SAMMSON: variants seen among roughly 807,000 people sequenced by gnomAD.
SAMMSON encodes the protein survival associated mitochondrial melanoma specific oncogenic non-coding RNA.
At chr3:70,196,248 C>T (rs1701178453) in intron 4 of SAMMSON, among the ~76,000 whole-genome samples, 1 of 152,124 alleles carries the variant, frequency 6.6e-6, no homozygotes, top group South Asian at 2.1e-4. Context: ...ATGACATAGT[C>T]ATAGACATAC....
chr3:70,196,606 T>C (rs187320202), intron 4 of SAMMSON, among the ~76,000 whole-genome samples: 12 of 152,280 alleles, frequency 7.9e-5, no homozygotes, highest in Middle Eastern at 3.4e-3. Flanking sequence ...AGCTGATGAG[T>C]GCAATAACGC....
chr3:70,310,648 G>A (rs1277205298), intron 7 of SAMMSON, among the ~76,000 whole-genome samples: 2 of 152,124 alleles, frequency 1.3e-5, no homozygotes, highest in African/African-American at 2.4e-5. Flanking sequence ...TTATAGATGT[G>A]AGCCACTGCA....
chr3:70,253,628 C>T (rs944747092), intron 6 of SAMMSON, among the ~76,000 whole-genome samples: 1 of 152,078 alleles, frequency 6.6e-6, no homozygotes, highest in Non-Finnish European at 1.5e-5. Flanking sequence ...GAGGCTAAGG[C>T]AGGAGGATGG....
intron 4 of SAMMSON, among the ~76,000 whole-genome samples, chr3:70,195,568 A>C (rs531097512): frequency 6.6e-6 from 1 of 152,342 alleles, no homozygotes; most frequent in Admixed American, 6.5e-5. Context: ...TACCTAAGTC[A>C]GGAAAAAACA....
intron 6 of SAMMSON, among the ~76,000 whole-genome samples, chr3:70,255,205 CTT>C (rs1559546105): frequency 6.6e-6 from 1 of 152,068 alleles, no homozygotes; most frequent in African/African-American, 2.4e-5. Context: ...AAAGTAAAAA[CTT>C]AAAATATTAG....
chr3:70,378,978 CTTTT>C (rs1389100652), intron 9 of SAMMSON, among the ~76,000 whole-genome samples: 14 of 142,988 alleles, frequency 9.8e-5, no homozygotes, highest in African/African-American at 2.6e-4. Flanking sequence ...TATACTTACA[CTTTT>C]ATTTATTTAT....
chr3:70,121,120 A>G (rs150443080), intron 4 of SAMMSON, among the ~76,000 whole-genome samples: 111 of 152,316 alleles, frequency 7.3e-4, no homozygotes, highest in African/African-American at 2.4e-3. Flanking sequence ...GCAGTTCACA[A>G]TAGGGTTCGC....
In SAMMSON at chr3:70,283,827, A is replaced by G. The variant is rs146601635; in HGVS notation, n.675-7352A>G. 2.0e-5 allele frequency: 3 copies of G among 152,170 alleles called. No individual in the cohort carries two copies. The East Asian group carries it at 5.8e-4, about 29-fold the overall frequency. 9.4% of individuals were successfully genotyped at this position (152,170 alleles called of 1,614,324 possible). Reference sequence around the variant, plus strand: ...AAAAAGGCAAATATGGCCAAATGTTAACATCTGTTAAATCTGGATGGTGAG... The same window carrying G: ...AAAAAGGCAAATATGGCCAAATGTTGACATCTGTTAAATCTGGATGGTGAG... On this transcript the variant is annotated intron_variant and non_coding_transcript_variant, in intron 6 of 9. Coordinates refer to ENST00000642114, the Ensembl canonical transcript of SAMMSON.
At chr3:70,210,503 C>T (rs1009006196) in intron 4 of SAMMSON, among the ~76,000 whole-genome samples, 3 of 152,046 alleles carry the variant, frequency 2.0e-5, no homozygotes, top group African/African-American at 7.2e-5. Context: ...ATAGATGATG[C>T]TAACAATAAT....
At chr3:70,025,900 A>G (rs2067035480) in intron 3 of SAMMSON, among the ~76,000 whole-genome samples, 1 of 152,170 alleles carries the variant, frequency 6.6e-6, no homozygotes, top group South Asian at 2.1e-4. Flanking sequence ...GTGAATCATC[A>G]TATGGTCTTC....
intron 7 of SAMMSON, among the ~76,000 whole-genome samples, chr3:70,342,104 T>C (rs561225072): frequency 2.6e-5 from 4 of 152,328 alleles, no homozygotes; most frequent in Non-Finnish European, 4.4e-5. Flanking sequence ...AGTCTGAATA[T>C]AGCTTTTAAT....
intron 4 of SAMMSON, among the ~76,000 whole-genome samples, chr3:70,136,907 AT>A (rs2067508204): frequency 6.6e-6 from 1 of 152,226 alleles, no homozygotes; most frequent in Admixed American, 6.5e-5. Flanking sequence ...TTCAAAGGAA[AT>A]AAACAATAAT....
At chr3:70,181,732 C>T (rs906059016) in intron 4 of SAMMSON, among the ~76,000 whole-genome samples, 7 of 152,210 alleles carry the variant, frequency 4.6e-5, no homozygotes, top group Non-Finnish European at 5.9e-5. Context: ...AATTGACTTT[C>T]TCATGATCTG....
chr3:70,399,972 T>C (rs1377677875), intron 2 of SAMMSON, among the ~76,000 whole-genome samples: 1 of 148,740 alleles, frequency 6.7e-6, no homozygotes, highest in Non-Finnish European at 1.5e-5. Context: ...AGCTCTAATA[T>C]GGGGTAGATT....
intron 6 of SAMMSON, among the ~76,000 whole-genome samples, chr3:70,266,049 A>G (rs545471652): frequency 5.6e-4 from 85 of 152,314 alleles, no homozygotes; most frequent in Non-Finnish European, 6.0e-4. Context: ...GCTTATTCAG[A>G]AAAGAGAATG....
chr3:70,329,456 C>G (rs572508448), intron 7 of SAMMSON, among the ~76,000 whole-genome samples: 2 of 152,094 alleles, frequency 1.3e-5, no homozygotes, highest in African/African-American at 4.8e-5. Context: ...CAATTAGTAG[C>G]AACTCAATCA....
chr3:70,309,580 T>C (rs766517224), intron 7 of SAMMSON, among the ~76,000 whole-genome samples: 6 of 152,162 alleles, frequency 3.9e-5, no homozygotes, highest in Non-Finnish European at 8.8e-5. Flanking sequence ...TGAGCTGAGA[T>C]TTAGAAACCA....
chr3:70,163,371 A>G (rs1034850599), intron 4 of SAMMSON, among the ~76,000 whole-genome samples: 11 of 150,116 alleles, frequency 7.3e-5, no homozygotes, highest in African/African-American at 2.7e-4. Flanking sequence ...AGAGAGAGAG[A>G]GAGAGTTATC....
intron 7 of SAMMSON, among the ~76,000 whole-genome samples, chr3:70,342,240 C>T (rs1702716881): frequency 6.6e-6 from 1 of 151,972 alleles, no homozygotes; most frequent in Non-Finnish European, 1.5e-5. Flanking sequence ...TTTTTCTTTG[C>T]AAAAACTGAG....
Sources: allele counts gnomAD v4.1 joint callset (sites outside exome capture counted in the v4.1 genomes callset), GRCh38; gene constraint gnomAD v4.1.1; transcripts MANE v1.5; gene names NCBI Gene and HGNC (gene_info 2026-07-23, HGNC 2026-07-21).